TTC8: variants seen among roughly 807,000 people sequenced by gnomAD.
The protein encoded by TTC8 is tetratricopeptide repeat protein 8.
TTC8 carries 47 observed loss-of-function variants against 72.5 expected under a neutral mutation model. The observed-to-expected ratio is 0.65, with a 90% CI of 0.51 to 0.83. The LOEUF (loss-of-function observed/expected upper bound fraction) is 0.83, where lower values mean the gene tolerates loss of function less well. Ranked by LOEUF, TTC8 falls within the 40% of genes least tolerant of loss-of-function variation. The pLI, the probability that TTC8 is intolerant of heterozygous loss-of-function variation, is 0.00. For missense variants in TTC8, 611 were observed against 623.2 expected (o/e 0.98, Z 0.21); for synonymous variants, 199 against 221.4 (o/e 0.90, Z 0.90).
intron 7 of TTC8, 22 bp from the exon 8 acceptor site, chr14:88,852,949 C>A: frequency 6.3e-7 from 1 of 1,598,214 alleles, no homozygotes; most frequent in Non-Finnish European, 8.6e-7. Context: ...AAATACTAAT[C>A]TAAAATGAAT....
intron 9 of TTC8, among the ~76,000 whole-genome samples, chr14:88,857,984 T>C (rs1482657666): frequency 3.3e-5 from 5 of 150,846 alleles, no homozygotes; most frequent in Admixed American, 6.6e-5. Flanking sequence ...TTTTTTGAGA[T>C]GGAGTCTTGC....
intron 2 of TTC8, among the ~76,000 whole-genome samples, chr14:88,838,235 T>C (rs2094762309): frequency 6.6e-6 from 1 of 152,234 alleles, no homozygotes; most frequent in African/African-American, 2.4e-5. Context: ...ACTTGTCACC[T>C]GTCATATTTC....
At chr14:88,850,948 G>A (rs1485124862) in intron 7 of TTC8, among the ~76,000 whole-genome samples, 1 of 152,120 alleles carries the variant, frequency 6.6e-6, no homozygotes, top group African/African-American at 2.4e-5. Flanking sequence ...ACAGTGATTG[G>A]GCCTGAAAAT....
In TTC8 at chr14:88,871,476, A is replaced by AATAT. The variant is rs10659725; in HGVS notation, c.1050-62_1050-59dup. On this transcript the variant is annotated intron_variant, in intron 11 of 14. Transcript: ENST00000380656. This position sits in a 1 kb window ranked among gnomAD's most constrained non-coding sequence, Gnocchi z 4.1. ...GATGAATTCATTTTTAACTGTGTAA[A>AATAT]ATATATATATATATGTCTTAAAACT... The AATAT allele has an allele frequency of 3.8e-5, 48 of 1,275,914 alleles. No individual in the cohort carries two copies. In the African/African-American group the frequency reaches 4.6e-4, roughly 12 times the overall value. 79.0% of individuals were successfully genotyped at this position (1,275,914 alleles called of 1,614,324 possible).
intron 7 of TTC8, 37 bp downstream of exon 7, chr14:88,843,887 A>G (rs2094793965): frequency 6.9e-7 from 1 of 1,445,254 alleles, no homozygotes; most frequent in South Asian, 1.2e-5. Flanking sequence ...TTTTATTGTA[A>G]TTTTTCTGAC....
chr14:88,827,271 C>G (rs1407969142), intron 1 of TTC8, among the ~76,000 whole-genome samples: 1 of 152,102 alleles, frequency 6.6e-6, no homozygotes. Flanking sequence ...ATCCGAAAAG[C>G]TTGTGACCAG....
chr14:88,871,133 G>T lies in TTC8; in HGVS notation c.1050-416G>T, dbSNP rs1421055246. ...ACAAAGTACAGCGAGCCAAAAACGG[G>T]ATCCAGTCAGCTGAAAACGTAGAGG... On this transcript the variant is annotated intron_variant, in intron 11 of 14. Coordinates refer to ENST00000380656, the MANE Select transcript of TTC8 (RefSeq NM_144596.4). The surrounding 1 kb of genome is among the most constrained non-coding windows in gnomAD (Gnocchi z 4.1). Among the ~76,000 whole-genome samples, 1 of 152,226 alleles carries T rather than the reference G, an allele frequency of 6.6e-6. No individual in the cohort carries two copies. Among genetic ancestry groups the T allele is most frequent in the Admixed American group, 6.5e-5 (1 of 15,280 alleles).
chr14:88,841,372 TA>T (rs2094780541), intron 5 of TTC8, 52 bp from the exon 6 acceptor site: 1 of 1,607,426 alleles, frequency 6.2e-7, no homozygotes, highest in Non-Finnish European at 8.5e-7. Context: ...TAAACTTGTT[TA>T]CATTTCAAGA....
intron 9 of TTC8, among the ~76,000 whole-genome samples, chr14:88,859,852 A>AT (rs2094875677): frequency 2.8e-5 from 2 of 70,960 alleles, no homozygotes; most frequent in South Asian, 8.8e-4. Flanking sequence ...ATATAAATAT[A>AT]TAATCATATA....
chr14:88,847,438 T>C (rs74911518), intron 7 of TTC8, among the ~76,000 whole-genome samples: 3,724 of 152,300 alleles, frequency 0.024, 132 homozygotes, highest in African/African-American at 0.083. Flanking sequence ...TAAAAACTAT[T>C]GAGAACTGGA....
chr14:88,860,689 C>T (rs1276732740), intron 9 of TTC8, among the ~76,000 whole-genome samples: 1 of 152,152 alleles, frequency 6.6e-6, no homozygotes, highest in Non-Finnish European at 1.5e-5. Context: ...AGTAAACTCA[C>T]AGTAAGCATT....
At chr14:88,848,560 T>A (rs1376851998) in intron 7 of TTC8, among the ~76,000 whole-genome samples, 1 of 152,184 alleles carries the variant, frequency 6.6e-6, no homozygotes, top group East Asian at 1.9e-4. Flanking sequence ...CTAACCTAAA[T>A]GTTTAACAAT....
intron 7 of TTC8, among the ~76,000 whole-genome samples, chr14:88,848,123 C>CAA (rs58210253): frequency 0.22 from 3,949 of 17,588 alleles, 1,079 homozygotes; most frequent in African/African-American, 0.4. Flanking sequence ...AACTCTGTCT[C>CAA]AAAAAAAAAA....
At chr14:88,828,577 T>C (rs1185303322) in intron 1 of TTC8, among the ~76,000 whole-genome samples, 1 of 152,238 alleles carries the variant, frequency 6.6e-6, no homozygotes. Context: ...TAGTGCCAAA[T>C]GGATTCATTT....
rs1359845731 is a variant in TTC8, at chr14:88,871,223, CT to C, written c.1050-323del. Reference sequence around the variant, plus strand: ...GGAATTTACCCTATGGGCAGCAAAGCTTTATAAAGCTGAAGTGTGTGGGCGT... The same window carrying C: ...GGAATTTACCCTATGGGCAGCAAAGCTTATAAAGCTGAAGTGTGTGGGCGT... On this transcript the variant is annotated intron_variant, in intron 11 of 14. Transcript: ENST00000380656. The surrounding 1 kb of genome is among the most constrained non-coding windows in gnomAD (Gnocchi z 4.1). Among the ~76,000 whole-genome samples the C allele has an allele frequency of 6.6e-6, 1 of 152,208 alleles. No homozygotes were observed. Among genetic ancestry groups the C allele is most frequent in the African/African-American group, 2.4e-5 (1 of 41,448 alleles).
chr14:88,844,926 C>G (rs993620260), intron 7 of TTC8, among the ~76,000 whole-genome samples: 1 of 152,034 alleles, frequency 6.6e-6, no homozygotes, highest in Non-Finnish European at 1.5e-5. Flanking sequence ...ATACTTTTTC[C>G]TGCCTCTACA....
chr14:88,847,824 A>G (rs1052702543), intron 7 of TTC8, among the ~76,000 whole-genome samples: 2 of 152,152 alleles, frequency 1.3e-5, no homozygotes, highest in African/African-American at 4.8e-5. Flanking sequence ...TTTATCATGT[A>G]TAAAAAAGCT....
rs759785529 is a variant in TTC8, at chr14:88,840,853, CT to C, written c.266-10del. The C allele has an allele frequency of 4.2e-5, 68 of 1,613,576 alleles. 2 individuals are homozygous for C. The South Asian group carries it at 5.4e-4, about 13-fold the overall frequency. On this transcript the variant is annotated splice_polypyrimidine_tract_variant and intron_variant, in intron 3 of 14. Transcript: ENST00000380656. ...ATAATATATAAATTGTATTAGCCAT[CT>C]TGTCTCCTAGGCCCTGGAACGTCTT...
At chr14:88,835,207 T>A (rs1407104958) in intron 2 of TTC8, among the ~76,000 whole-genome samples, 2 of 152,220 alleles carry the variant, frequency 1.3e-5, no homozygotes, top group African/African-American at 4.8e-5. Context: ...CTAAAATTGT[T>A]TCTTACATGC....
Sources: allele counts gnomAD v4.1 joint callset (sites outside exome capture counted in the v4.1 genomes callset), GRCh38; gene constraint gnomAD v4.1.1; non-coding constraint Gnocchi (gnomAD v3.1); transcripts MANE v1.5; gene names NCBI Gene and HGNC (gene_info 2026-07-23, HGNC 2026-07-21).